The following EFNA5 variants were observed in gnomAD, a reference collection of about 807,000 sequenced individuals.
The protein encoded by EFNA5 is ephrin-A5.
Under a neutral mutation model 22.9 loss-of-function variants are expected in EFNA5, and 5 were observed. The observed-to-expected ratio is 0.22, with a 90% CI of 0.11 to 0.46. EFNA5 has a LOEUF of 0.46. Among genes scored for constraint, EFNA5 ranks in the 20% least tolerant of loss-of-function variants. The pLI is 0.99. For synonymous variants in EFNA5, 113 were observed against 112.2 expected (o/e 1.01, Z -0.04); for missense variants, 237 against 293.3 (o/e 0.81, Z 1.40).
At chr5:107,654,802 G>C (rs891682507) in intron 1 of EFNA5, among the ~76,000 whole-genome samples, 1 of 151,994 alleles carries the variant, frequency 6.6e-6, no homozygotes, top group Non-Finnish European at 1.5e-5. Flanking sequence ...AAAATAATGA[G>C]GTAAAAGGTG....
chr5:107,476,057 T>TATATATATATGTATATATATATATATA, intron 1 of EFNA5, among the ~76,000 whole-genome samples: 13 of 100,414 alleles, frequency 1.3e-4, no homozygotes, highest in African/African-American at 1.5e-4. Context: ...TATATATATA[T>TATATATATATGTATATATATATATATA]TTTTTTTTTT....
At chr5:107,631,296 GTCTC>G (rs1750245166) in intron 1 of EFNA5, among the ~76,000 whole-genome samples, 1 of 136,436 alleles carries the variant, frequency 7.3e-6, no homozygotes, top group African/African-American at 2.7e-5. Context: ...CACACTCTCT[GTCTC>G]TCTCATATGC....
intron 2 of EFNA5, among the ~76,000 whole-genome samples, chr5:107,394,771 A>T (rs1747877141): frequency 6.6e-6 from 1 of 152,152 alleles, no homozygotes; most frequent in Non-Finnish European, 1.5e-5. Flanking sequence ...CCTCAAGTAA[A>T]TGGCTGAGGA....
At chr5:107,430,932 C>T (rs769537163) in intron 1 of EFNA5, among the ~76,000 whole-genome samples, 23 of 151,872 alleles carry the variant, frequency 1.5e-4, no homozygotes, top group African/African-American at 4.6e-4. Context: ...TGCGCCACCA[C>T]ACCCAGTTGA....
At chr5:107,467,128 G>T (rs886303599) in intron 1 of EFNA5, among the ~76,000 whole-genome samples, 2 of 152,128 alleles carry the variant, frequency 1.3e-5, no homozygotes, top group African/African-American at 4.8e-5. Flanking sequence ...TGATTGTAAT[G>T]GTGGAATTTT....
At chr5:107,544,191 C>T (rs1748103655) in intron 1 of EFNA5, among the ~76,000 whole-genome samples, 1 of 152,130 alleles carries the variant, frequency 6.6e-6, no homozygotes, top group African/African-American at 2.4e-5. Context: ...AGAAAATGGG[C>T]AATAAGGATC....
At chr5:107,383,843 C>G (rs543060626) in intron 4 of EFNA5, among the ~76,000 whole-genome samples, 1 of 152,182 alleles carries the variant, frequency 6.6e-6, no homozygotes, top group Non-Finnish European at 1.5e-5. Flanking sequence ...TTTTGTTTTT[C>G]ATCTAAGTGA....
At chr5:107,500,591 T>C (rs1350278540) in intron 1 of EFNA5, among the ~76,000 whole-genome samples, 1 of 152,108 alleles carries the variant, frequency 6.6e-6, no homozygotes, top group Non-Finnish European at 1.5e-5. Context: ...CCTATCCTCA[T>C]ATGGTGTGGC....
At chr5:107,528,496 C>T (rs1390178518) in intron 1 of EFNA5, among the ~76,000 whole-genome samples, 1 of 152,060 alleles carries the variant, frequency 6.6e-6, no homozygotes, top group Non-Finnish European at 1.5e-5. Flanking sequence ...GTGAAATGTG[C>T]TTGATCACTC....
intron 1 of EFNA5, among the ~76,000 whole-genome samples, chr5:107,516,265 T>A (rs1371776171): frequency 1.3e-5 from 2 of 151,402 alleles, no homozygotes; most frequent in African/African-American, 4.9e-5. Context: ...TGGCAAACCC[T>A]GGCCTTAAGC....
intron 2 of EFNA5, among the ~76,000 whole-genome samples, chr5:107,408,125 T>C (rs1487253484): frequency 6.6e-6 from 1 of 152,048 alleles, no homozygotes; most frequent in Admixed American, 6.6e-5. Flanking sequence ...CATGTATGAC[T>C]TAAGGCCACA....
At chr5:107,498,431 G>T (rs1747044291) in intron 1 of EFNA5, among the ~76,000 whole-genome samples, 1 of 152,082 alleles carries the variant, frequency 6.6e-6, no homozygotes, top group Non-Finnish European at 1.5e-5. Flanking sequence ...CACACTACAG[G>T]AACAGACAGC....
At chr5:107,516,841 A>G (rs1052997926) in intron 1 of EFNA5, among the ~76,000 whole-genome samples, 6 of 152,228 alleles carry the variant, frequency 3.9e-5, no homozygotes, top group Non-Finnish European at 8.8e-5. Context: ...TAAAAGTCCA[A>G]TATCTAGAAC....
intron 1 of EFNA5, among the ~76,000 whole-genome samples, chr5:107,639,703 C>T (rs991053849): frequency 1.1e-4 from 17 of 152,012 alleles, no homozygotes; most frequent in South Asian, 2.1e-4. Context: ...TAAGAGCAAG[C>T]GTTACCAATT....
intron 2 of EFNA5, among the ~76,000 whole-genome samples, chr5:107,404,304 T>C (rs1748156529): frequency 2.0e-5 from 3 of 152,224 alleles, no homozygotes; most frequent in Admixed American, 2.0e-4. Flanking sequence ...CATATATTTT[T>C]GTTTTAGGAT....
intron 1 of EFNA5, among the ~76,000 whole-genome samples, chr5:107,529,684 T>C (rs1316825955): frequency 6.6e-6 from 1 of 152,250 alleles, no homozygotes; most frequent in Non-Finnish European, 1.5e-5. Context: ...ATGGCTGTTT[T>C]AGTAACACAC....
chr5:107,406,348 C>T (rs1478837014), intron 2 of EFNA5, among the ~76,000 whole-genome samples: 1 of 151,970 alleles, frequency 6.6e-6, no homozygotes, highest in Admixed American at 6.6e-5. Flanking sequence ...CGTTCCTTTC[C>T]CTTTGTTCAA....
At chr5:107,530,929 A>C (rs568400247) in intron 1 of EFNA5, among the ~76,000 whole-genome samples, 1 of 152,332 alleles carries the variant, frequency 6.6e-6, no homozygotes, top group South Asian at 2.1e-4. Flanking sequence ...ATCCAAGTAT[A>C]TCATTATTTC....
chr5:107,576,682 T>C (rs775197668), intron 1 of EFNA5, among the ~76,000 whole-genome samples: 1 of 152,216 alleles, frequency 6.6e-6, no homozygotes, highest in South Asian at 2.1e-4. Context: ...GAAAACACAA[T>C]GGCTGTTTAT....
Sources: gnomAD v4.1 joint callset for allele counts (sites outside exome capture counted in the v4.1 genomes callset) on GRCh38, gnomAD v4.1.1 for gene constraint, MANE v1.5 for transcripts, NCBI Gene and HGNC (gene_info 2026-07-23, HGNC 2026-07-21) for gene names.